The following STT3B variants were observed in gnomAD, a reference collection of about 807,000 sequenced individuals.
STT3B encodes dolichyl-diphosphooligosaccharide--protein glycosyltransferase subunit STT3B.
A neutral mutation model predicts 96.8 loss-of-function variants in STT3B; 29 were observed. The ratio of observed to expected loss-of-function variants is 0.30; its 90% confidence interval spans 0.22 to 0.41. STT3B has a LOEUF of 0.41. Among genes scored for constraint, STT3B ranks in the 10% least tolerant of loss-of-function variants. STT3B has a pLI of 1.00. For synonymous variants in STT3B, 367 were observed against 360.0 expected, an observed-to-expected ratio of 1.02 and a Z score of -0.22; for missense variants, 640 against 1,022.3, an observed-to-expected ratio of 0.63 and a Z score of 5.10.
intron 1 of STT3B, among the ~76,000 whole-genome samples, chr3:31,545,417 A>C (rs566764706): frequency 5.3e-4 from 80 of 152,356 alleles, no homozygotes; most frequent in African/African-American, 1.9e-3. Flanking sequence ...TGATGTTATA[A>C]CTGTGTAAGA....
At chr3:31,599,930 C>T (rs1412723619) in intron 4 of STT3B, among the ~76,000 whole-genome samples, 1 of 152,044 alleles carries the variant, frequency 6.6e-6, no homozygotes, top group Non-Finnish European at 1.5e-5. Context: ...TCAGTGAGTC[C>T]TTTCATTGCT....
intron 12 of STT3B, among the ~76,000 whole-genome samples, chr3:31,625,312 T>C (rs954897695): frequency 6.6e-6 from 1 of 152,238 alleles, no homozygotes; most frequent in Non-Finnish European, 1.5e-5. Flanking sequence ...TGGTAGATTT[T>C]ATGATAAATT....
intron 3 of STT3B, among the ~76,000 whole-genome samples, chr3:31,594,251 C>T (rs1449214922): frequency 6.6e-6 from 1 of 152,146 alleles, no homozygotes; most frequent in African/African-American, 2.4e-5. Flanking sequence ...GCTGCGGACA[C>T]CAGCTGGTGT....
chr3:31,583,766 A>G lies in STT3B; in HGVS notation c.711+3670A>G, dbSNP rs867188661. Among the ~76,000 whole-genome samples, 14 of 152,086 alleles carry G rather than the reference A, an allele frequency of 9.2e-5. No individual in the cohort carries two copies. The South Asian group carries it at 2.5e-3, about 27-fold the overall frequency. The stretch of plus-strand genomic sequence containing the variant: ...GGTTGTGCTGTTTTCTACATGCCTT[A>G]TAGCTTTTTTTTTGTCCCTCATTTC... On this transcript the variant is annotated intron_variant, in intron 3 of 15. Transcript: ENST00000295770.
chr3:31,570,979 A>G (rs1316155448), intron 1 of STT3B, among the ~76,000 whole-genome samples: 1 of 152,142 alleles, frequency 6.6e-6, no homozygotes, highest in Non-Finnish European at 1.5e-5. Flanking sequence ...CTGACTTAAC[A>G]GGATTCTTGC....
intron 3 of STT3B, among the ~76,000 whole-genome samples, chr3:31,588,215 G>A (rs75180020): frequency 2.6e-5 from 4 of 151,894 alleles, no homozygotes; most frequent in Non-Finnish European, 4.4e-5. Context: ...TAGAACTTTC[G>A]ACTCTGTTTA....
At chr3:31,600,943 T>A (rs377143755) in intron 5 of STT3B, among the ~76,000 whole-genome samples, 1 of 152,134 alleles carries the variant, frequency 6.6e-6, no homozygotes, top group Non-Finnish European at 1.5e-5. Context: ...TGTTTAGCGG[T>A]AGATGATGTT....
chr3:31,590,556 T>G (rs1698643539), intron 3 of STT3B, among the ~76,000 whole-genome samples: 1 of 151,952 alleles, frequency 6.6e-6, no homozygotes, highest in Non-Finnish European at 1.5e-5. Context: ...CTAAGCATGG[T>G]GTTTAATTTC....
intron 7 of STT3B, 38 bp from the exon 8 acceptor site, chr3:31,617,902 A>T: frequency 1.3e-5 from 19 of 1,431,900 alleles, no homozygotes; most frequent in Non-Finnish European, 1.8e-5. Flanking sequence ...AAAATAATAA[A>T]AAGGCAGATT....
intron 1 of STT3B, 135 bp downstream of exon 1, chr3:31,533,447 C>A: frequency 1.7e-6 from 2 of 1,168,552 alleles, no homozygotes; most frequent in Non-Finnish European, 1.1e-6. Context: ...GAGGCCGGCG[C>A]GGATCCCGGA....
At chr3:31,571,971 A>C (rs1401361638) in intron 1 of STT3B, among the ~76,000 whole-genome samples, 2 of 139,416 alleles carry the variant, frequency 1.4e-5, no homozygotes, top group Non-Finnish European at 3.1e-5. Context: ...AAAATATTAA[A>C]TATATCAATA....
chr3:31,571,986 A>G (rs1057125316), intron 1 of STT3B, among the ~76,000 whole-genome samples: 2 of 123,984 alleles, frequency 1.6e-5, no homozygotes, highest in Non-Finnish European at 3.4e-5. Flanking sequence ...TCAATATTAA[A>G]TATATTAATA....
chr3:31,610,667 AC>A, intron 5 of STT3B, among the ~76,000 whole-genome samples: 1 of 152,276 alleles, frequency 6.6e-6, no homozygotes, highest in East Asian at 1.9e-4. Context: ...GTCTCGTCCC[AC>A]CCTTGGATAT....
At chr3:31,595,599 A>G (rs115725048) in intron 3 of STT3B, among the ~76,000 whole-genome samples, 326 of 152,296 alleles carry the variant, frequency 2.1e-3, no homozygotes, top group African/African-American at 7.6e-3. Flanking sequence ...CCTAAAATGT[A>G]TACTTTCTCC....
chr3:31,573,422 A>T (rs556398979), intron 1 of STT3B, among the ~76,000 whole-genome samples: 1 of 152,272 alleles, frequency 6.6e-6, no homozygotes, highest in Non-Finnish European at 1.5e-5. Context: ...TAGTTAAAAG[A>T]TGATAGCTTG....
intron 3 of STT3B, among the ~76,000 whole-genome samples, chr3:31,596,055 G>T (rs1040988182): frequency 1.3e-5 from 2 of 152,180 alleles, no homozygotes; most frequent in South Asian, 4.1e-4. Context: ...GTTATAGTTT[G>T]TGTCCAACAT....
intron 3 of STT3B, 50 bp from the exon 4 acceptor site, chr3:31,596,748 C>G: frequency 7.0e-7 from 1 of 1,435,112 alleles, no homozygotes; most frequent in East Asian, 2.3e-5. Context: ...AAAAATTCCG[C>G]AAGAACATTT....
intron 3 of STT3B, among the ~76,000 whole-genome samples, chr3:31,581,999 C>G (rs1481143291): frequency 1.3e-5 from 2 of 152,138 alleles, no homozygotes; most frequent in Non-Finnish European, 1.5e-5. Flanking sequence ...TGATAATACT[C>G]TCTTAAAATT....
intron 1 of STT3B, among the ~76,000 whole-genome samples, chr3:31,554,172 A>G (rs1336646330): frequency 6.6e-6 from 1 of 152,206 alleles, no homozygotes; most frequent in Non-Finnish European, 1.5e-5. Flanking sequence ...CCAAAGTTTA[A>G]AAATCAGATT....
Sources: allele counts gnomAD v4.1 joint callset (sites outside exome capture counted in the v4.1 genomes callset), GRCh38; gene constraint gnomAD v4.1.1; transcripts MANE v1.5; gene names NCBI Gene and HGNC (gene_info 2026-07-23, HGNC 2026-07-21).